The following ZNF543 variants were observed in gnomAD, a reference collection of about 807,000 sequenced individuals.
The protein encoded by ZNF543 is zinc finger protein 543.
Under a neutral mutation model 13.4 loss-of-function variants are expected in ZNF543, and 10 were observed. That is an observed-to-expected ratio of 0.75 (90% CI 0.46 to 1.26). ZNF543 has a LOEUF of 1.26. ZNF543 is among the 50% of genes most tolerant of loss of function. ZNF543 has a pLI of 0.00. For synonymous variants in ZNF543, 272 were observed against 264.7 expected, an observed-to-expected ratio of 1.03 and a Z score of -0.27; for missense variants, 768 against 741.2, an observed-to-expected ratio of 1.04 and a Z score of -0.42.
intron 2 of ZNF543, 109 bp downstream of exon 2, chr19:57,323,917 G>T (rs750813497): frequency 2.8e-6 from 4 of 1,414,854 alleles, no homozygotes; most frequent in Non-Finnish European, 9.6e-7. Context: ...CCACGCAGGG[G>T]TGTTCACCAT....
Position 57,328,624 on chromosome 19 carries a change from A to G in ZNF543, c.1162A>G (p.Ile388Val), listed in dbSNP as rs771957236. 2 of 1,613,538 alleles carry G rather than the reference A, an allele frequency of 1.2e-6. No individual in the cohort carries two copies. The highest frequency in any genetic ancestry group is 1.7e-5 in the Admixed American group (1 of 59,940). Residue 388 changes from isoleucine (I) to valine (V), a missense_variant, in exon 4 of 4, where the codon ATC becomes GTC. Transcript: ENST00000321545. ...TGCAGACCTCATTCAACACTACATT[A>G]TCCACACTGGGGAGAAGCCCTATAA... The part of the protein sequence containing the change: ...ESADLIQHYI[I>V]HTGEKPYKCM...
Position 57,329,438 on chromosome 19 carries a change from G to A in ZNF543, c.*173G>A, listed in dbSNP as rs1186082504. Reference sequence around the variant, plus strand: ...AGAATTCACCCATGAGAGAGACCCAGTGGTTGCTATGCACTTAGGAAAACT... The same window carrying A: ...AGAATTCACCCATGAGAGAGACCCAATGGTTGCTATGCACTTAGGAAAACT... On this transcript the variant is annotated 3_prime_UTR_variant, in exon 4 of 4. Coordinates refer to ENST00000321545, the MANE Select transcript of ZNF543 (RefSeq NM_213598.4). 1 of 813,248 alleles carries A rather than the reference G, an allele frequency of 1.2e-6. No homozygotes were observed. 50.4% of individuals were successfully genotyped at this position (813,248 alleles called of 1,614,324 possible).
rs1478139224 is a variant in ZNF543 at position 57,330,235 on chromosome 19, A to G, written c.*970A>G. Reference sequence around the variant, plus strand: ...GTTTCACCATGTGTCTTTACCCAATACACATACTTTTTCTTGATGTGGATT... The same window carrying G: ...GTTTCACCATGTGTCTTTACCCAATGCACATACTTTTTCTTGATGTGGATT... On this transcript the variant is annotated 3_prime_UTR_variant, in exon 4 of 4. Coordinates refer to ENST00000321545, the MANE Select transcript of ZNF543 (RefSeq NM_213598.4). The G allele has an allele frequency of 6.6e-6, 1 of 150,978 alleles. No individual in the cohort carries two copies. Among genetic ancestry groups the G allele is most frequent in the East Asian group, 1.9e-4 (1 of 5,146 alleles). The allele number at this position is 150,978 out of a possible 1,614,324, so 9.4% of individuals were successfully genotyped here.
intron 2 of ZNF543, among the ~76,000 whole-genome samples, chr19:57,325,400 C>G (rs2088114898): frequency 6.6e-6 from 1 of 152,132 alleles, no homozygotes; most frequent in Non-Finnish European, 1.5e-5. Flanking sequence ...TCTTTTACCC[C>G]CTTATATTTT....
chr19:57,329,854 GAGAA>G lies in ZNF543; in HGVS notation c.*595_*598del. On this transcript the variant is annotated 3_prime_UTR_variant, in exon 4 of 4. Coordinates refer to ENST00000321545, the MANE Select transcript of ZNF543 (RefSeq NM_213598.4). ...ACAAAGGAAGAGGAAATATAGGGAA[GAGAA>G]AGAAACCACAGCTTCTTTTAGACTT... 3 of 152,406 alleles carry G rather than the reference GAGAA, an allele frequency of 2.0e-5. No individual in the cohort carries two copies. In the East Asian group the frequency reaches 5.8e-4, roughly 29 times the overall value. 9.4% of individuals were successfully genotyped at this position (152,406 alleles called of 1,614,324 possible).
chr19:57,322,589 G>A (rs1244824726), intron 1 of ZNF543, among the ~76,000 whole-genome samples: 2 of 152,082 alleles, frequency 1.3e-5, no homozygotes, highest in African/African-American at 4.8e-5. Flanking sequence ...TAATGAAGGA[G>A]TGTCGGGTTG....
chr19:57,328,147 T>G lies in ZNF543; in HGVS notation c.685T>G (p.Cys229Gly), dbSNP rs754927517. ...RIHTQVKPYE[C>G]TECGKTFSKS... ...TCACACTCAAGTGAAGCCCTATGAA[T>G]GCACAGAGTGTGGGAAAACCTTTAG... The change falls in exon 4 of 4, where the codon TGC (cysteine) becomes GGC (glycine). Residue 229 changes from cysteine to glycine, a missense_variant. Physicochemically the swap from Cys to Gly is radical, Grantham distance 159 (BLOSUM62 -3). Around this residue, in one of 3 missense-constraint regions of ZNF543, gnomAD observed 677 missense variants for 631.4 expected, o/e 1.07. Coordinates refer to ENST00000321545, the MANE Select transcript of ZNF543 (RefSeq NM_213598.4). 7.4e-6 allele frequency: 12 copies of G among 1,614,236 alleles called. No homozygotes were observed. The South Asian group carries it at 1.2e-4, about 16-fold the overall frequency.
At position 57,324,354 on chromosome 19, in the gene ZNF543, G is replaced by GA. The variant is rs56924099; in HGVS notation, c.145+564dup. Among the ~76,000 whole-genome samples, 680 of 101,650 alleles carry GA rather than the reference G, an allele frequency of 6.7e-3. 2 individuals are homozygous for GA. Among genetic ancestry groups the GA allele is most frequent in the Middle Eastern group, 0.034 (6 of 174 alleles). The allele number at this position is 101,650 out of a possible 152,430, so 66.7% of individuals were successfully genotyped here. On this transcript the variant is annotated intron_variant, in intron 2 of 3. Coordinates refer to ENST00000321545, the MANE Select transcript of ZNF543 (RefSeq NM_213598.4). ...CGACAGTGTGAGAGAGACTCCGTCT[G>GA]AAAAAAAAAAAAAAAAAAGGCCAAT... is the stretch of plus-strand genomic sequence containing the variant.
chr19:57,324,683 C>T (rs1018169919), intron 2 of ZNF543, among the ~76,000 whole-genome samples: 2 of 152,154 alleles, frequency 1.3e-5, no homozygotes, highest in Non-Finnish European at 2.9e-5. Context: ...GCCTGAGCCT[C>T]GATCTCTTCA....
At position 57,320,501 on chromosome 19, in the gene ZNF543, T is replaced by G. The variant is rs569033975; in HGVS notation, c.-353T>G. 39 of 227,254 alleles carry G rather than the reference T, an allele frequency of 1.7e-4. No individual in the cohort carries two copies. Among genetic ancestry groups the G allele is most frequent in the African/African-American group, 8.5e-4 (37 of 43,670 alleles). 14.1% of individuals were successfully genotyped at this position (227,254 alleles called of 1,614,324 possible). ...CGTGACGTCATCTCCGTGAGCAGGA[T>G]TGGCCCTGGAACAGTGTGGGGCCTG... On this transcript the variant is annotated 5_prime_UTR_variant, in exon 1 of 4. Transcript: ENST00000321545.
At position 57,327,887 on chromosome 19, in the gene ZNF543, A is replaced by T; in HGVS notation, c.425A>T (p.Gln142Leu). Residue 142 changes from glutamine to leucine, a missense_variant, in exon 4 of 4, where the codon CAG becomes CTG. Physicochemically the swap from Gln to Leu is moderately radical, Grantham distance 113 (BLOSUM62 -2). Transcript: ENST00000321545. ...EVHLKIGIGP[Q>L]RGKLLEKMSS... The stretch of plus-strand genomic sequence containing the variant: ...CACTTGAAAATAGGGATAGGCCCCC[A>T]GCGGGGGAAGCTGCTGGAGAAAATG... 6.2e-7 allele frequency: 1 copy of T among 1,614,166 alleles called. No homozygotes were observed. The highest frequency in any genetic ancestry group is 8.5e-7 in the Non-Finnish European group (1 of 1,180,038).
chr19:57,321,772 T>A (rs531856614), intron 1 of ZNF543, among the ~76,000 whole-genome samples: 106 of 152,152 alleles, frequency 7.0e-4, no homozygotes, highest in Non-Finnish European at 4.6e-4. Flanking sequence ...TTGCCCGCAA[T>A]GGTTAGGGAG....
At chr19:57,324,638 C>T (rs776506969) in intron 2 of ZNF543, among the ~76,000 whole-genome samples, 21 of 152,310 alleles carry the variant, frequency 1.4e-4, no homozygotes, top group East Asian at 3.9e-4. Flanking sequence ...CTTGGCCATT[C>T]GCCATTTCCC....
Position 57,328,811 on chromosome 19 carries a change from C to G in ZNF543, c.1349C>G (p.Pro450Arg). ...AAAAGGACCCACACAGGAGAAAAAC[C>G]CTATGAATGCAAAGAATGTGGAAAA... ...LHKRTHTGEK[P>R]YECKECGKAF... Residue 450 changes from proline (P) to arginine (R), a missense_variant, in exon 4 of 4, where the codon CCC becomes CGC. Physicochemically the swap from Pro to Arg is moderately radical, Grantham distance 103. Coordinates refer to ENST00000321545, the MANE Select transcript of ZNF543 (RefSeq NM_213598.4). 6.2e-7 allele frequency: 1 copy of G among 1,614,046 alleles called. No homozygotes were observed. Among genetic ancestry groups the G allele is most frequent in the Non-Finnish European group, 8.5e-7 (1 of 1,180,002 alleles).
intron 3 of ZNF543, among the ~76,000 whole-genome samples, chr19:57,327,090 C>T (rs922028809): frequency 6.6e-6 from 1 of 152,020 alleles, no homozygotes; most frequent in Non-Finnish European, 1.5e-5. Context: ...TGGTCTCAAA[C>T]TCCTGGGTTC....
chr19:57,323,545 C>A, intron 1 of ZNF543, 137 bp from the exon 2 acceptor site: 2 of 1,149,304 alleles, frequency 1.7e-6, no homozygotes, highest in Non-Finnish European at 2.6e-6. Context: ...ATGCCTGGCA[C>A]AGATCATGGC....
In ZNF543 at chr19:57,323,688, G is replaced by T. The variant is rs540048310; in HGVS notation, c.25G>T (p.Val9Leu). 7.4e-6 allele frequency: 12 copies of T among 1,612,912 alleles called. No individual in the cohort carries two copies. In the East Asian group the frequency reaches 2.7e-4, roughly 36 times the overall value. MAASAQVSVTFEDVAVTFT... is the reference protein window; with the variant it reads MAASAQVSLTFEDVAVTFT... ...TCTCTGTTTAATTTTCCAGGTGTCT[G>T]TGACCTTTGAGGATGTGGCTGTGAC... Residue 9 changes from valine (V) to leucine (L), a missense_variant, in exon 2 of 4, where the codon GTG becomes TTG. Physicochemically the swap from Val to Leu is conservative, Grantham distance 32 (BLOSUM62 1). Coordinates refer to ENST00000321545, the MANE Select transcript of ZNF543 (RefSeq NM_213598.4).
At position 57,329,514 on chromosome 19, in the gene ZNF543, ATTT is replaced by A. The variant is rs11355141; in HGVS notation, c.*263_*265del. Reference sequence around the variant, plus strand: ...TACAGTGAAATATTATCTCAGGGATATTTTTTTTTTTTTTTTGAGACGGAGTCT... The same window carrying A: ...TACAGTGAAATATTATCTCAGGGATATTTTTTTTTTTTTGAGACGGAGTCT... On this transcript the variant is annotated 3_prime_UTR_variant, in exon 4 of 4. Coordinates refer to ENST00000321545, the MANE Select transcript of ZNF543 (RefSeq NM_213598.4). 910 of 274,566 alleles carry A rather than the reference ATTT, an allele frequency of 3.3e-3. No individual in the cohort carries two copies. The highest frequency in any genetic ancestry group is 5.2e-3 in the South Asian group (76 of 14,658). The allele number at this position is 274,566 out of a possible 1,614,324, so 17.0% of individuals were successfully genotyped here. A position where few individuals can be genotyped will look rare whatever the true frequency, so the allele number is the denominator to read the frequency against.
chr19:57,329,022 A>C lies in ZNF543; in HGVS notation c.1560A>C (p.Ala520=), dbSNP rs2088145203. 2 of 1,614,084 alleles carry C rather than the reference A, an allele frequency of 1.2e-6. No homozygotes were observed. Among genetic ancestry groups the C allele is most frequent in the Non-Finnish European group, 1.7e-6 (2 of 1,180,054 alleles). Residue 520 remains alanine (A), a synonymous_variant, in exon 4 of 4, where the codon GCA becomes GCC. Coordinates refer to ENST00000321545, the MANE Select transcript of ZNF543 (RefSeq NM_213598.4). The part of the protein sequence containing the change: ...IQCGKAFCRS[A]NLIRHSIIHT... ...GTGGGAAAGCCTTTTGCCGGAGCGCAAACCTTATTCGACACTCCATCATTC... is the reference window on the plus strand; with the variant it reads ...GTGGGAAAGCCTTTTGCCGGAGCGCCAACCTTATTCGACACTCCATCATTC...
Sources: allele counts gnomAD v4.1 joint callset (sites outside exome capture counted in the v4.1 genomes callset), GRCh38; gene constraint gnomAD v4.1.1; regional missense constraint gnomAD v4.1.1; transcripts MANE v1.5; gene names NCBI Gene and HGNC (gene_info 2026-07-23, HGNC 2026-07-21).